Variants in FAM118B observed in about 807,000 individuals in gnomAD.
The protein encoded by FAM118B is protein FAM118B.
FAM118B carries 24 observed loss-of-function variants against 38.5 expected under a neutral mutation model. The observed-to-expected ratio is 0.62, with a 90% confidence interval of 0.45 to 0.88. The LOEUF is 0.88. Ranked by LOEUF, FAM118B falls within the 40% of genes least tolerant of loss-of-function variation. FAM118B has a pLI of 0.00. For missense variants in FAM118B, 334 were observed against 420.0 expected (o/e 0.80, Z 1.79); for synonymous variants, 138 against 156.3 (o/e 0.88, Z 0.87).
chr11:126,257,541 T>C (rs1447109472), intron 7 of FAM118B, among the ~76,000 whole-genome samples: 2 of 150,428 alleles, frequency 1.3e-5, no homozygotes, highest in South Asian at 2.1e-4. Flanking sequence ...TAGAGACATA[T>C]GAGTAAAGGA....
Position 126,219,349 on chromosome 11 carries a change from C to CTTTTTT in FAM118B, c.-77+7554_-77+7559dup, listed in dbSNP as rs549922825. Among the ~76,000 whole-genome samples the CTTTTTT allele has an allele frequency of 6.7e-4, 30 of 44,466 alleles. 7 individuals carry two copies. The highest frequency in any genetic ancestry group is 9.7e-4 in the Non-Finnish European group (25 of 25,872). The allele number at this position is 44,466 out of a possible 152,430, so 29.2% of individuals were successfully genotyped here. ...AGCTTATCCTTCAGCTCTTGTTTAT[C>CTTTTTT]TTTTTTTTTTTTTTTTTTTTTTTTT... On this transcript the variant is annotated intron_variant, in intron 1 of 8. Coordinates refer to ENST00000533050, the MANE Select transcript of FAM118B (RefSeq NM_024556.4).
intron 3 of FAM118B, among the ~76,000 whole-genome samples, chr11:126,240,588 G>T (rs1339464039): frequency 6.6e-6 from 1 of 152,138 alleles, no homozygotes; most frequent in East Asian, 1.9e-4. Flanking sequence ...CCTGAAATAG[G>T]TTTATGACTT....
intron 8 of FAM118B, 55 bp from the exon 9 acceptor site, chr11:126,262,065 T>C (rs1202333244): frequency 1.5e-5 from 24 of 1,594,486 alleles, no homozygotes; most frequent in Non-Finnish European, 1.9e-5. Flanking sequence ...CAGCTTCCAA[T>C]GTATAAACCT....
chr11:126,240,982 T>G lies in FAM118B; in HGVS notation c.277T>G (p.Cys93Gly), dbSNP rs1011035671. The G allele has an allele frequency of 3.1e-6, 5 of 1,614,068 alleles. No individual in the cohort carries two copies. The Admixed American group carries it at 8.3e-5, about 27-fold the overall frequency. Residue 93 changes from cysteine to glycine, a missense_variant, in exon 4 of 9, where the codon TGT becomes GGT. This residue lies in a region of FAM118B where 240 missense variants were observed against 295.9 expected (regional missense o/e 0.81). Transcript: ENST00000533050. ...EDEESKKFQK[C>G]LHEDKNLVHV... is the part of the protein sequence containing the mutation. ...TGAGGAGAGCAAAAAGTTTCAGAAA[T>G]GTCTCCATGAAGACAAGAACCTGGT...
At chr11:126,246,650 C>T (rs1950422879) in intron 4 of FAM118B, among the ~76,000 whole-genome samples, 1 of 152,052 alleles carries the variant, frequency 6.6e-6, no homozygotes. Context: ...CTGTGTTGCC[C>T]AGGCTGGTGT....
At chr11:126,222,403 A>G (rs1263780545) in intron 1 of FAM118B, among the ~76,000 whole-genome samples, 1 of 152,248 alleles carries the variant, frequency 6.6e-6, no homozygotes, top group African/African-American at 2.4e-5. Context: ...TTAAAATTCT[A>G]CAAGCATATA....
chr11:126,226,944 C>A (rs1453447722), intron 1 of FAM118B, among the ~76,000 whole-genome samples: 1 of 87,990 alleles, frequency 1.1e-5, no homozygotes, highest in Non-Finnish European at 2.3e-5. Flanking sequence ...ACAGTGAGAC[C>A]CCGTCCAAAA....
rs763456807 is a variant in FAM118B at position 126,254,287 on chromosome 11, T to C, written c.568-18T>C. The C allele has an allele frequency of 1.2e-6, 2 of 1,612,716 alleles. No homozygotes were observed. The highest frequency in any genetic ancestry group is 3.3e-5 in the Admixed American group (2 of 59,920). ...CTCAGCCCTGCCAAGCTGGTTGGGC[T>C]ATATGTGTGTTGTGCAGGTCCTCGA... On this transcript the variant is annotated intron_variant, in intron 5 of 8. Transcript: ENST00000533050.
In FAM118B at chr11:126,256,915, TTGTGA is replaced by T. The variant is rs371127445; in HGVS notation, c.982+71_982+75del. The T allele has an allele frequency of 5.6e-4, 837 of 1,504,104 alleles. 4 individuals carry two copies. In the African/African-American group the frequency reaches 0.011, roughly 19 times the overall value. The allele number at this position is 1,504,104 out of a possible 1,614,324, so 93.2% of individuals were successfully genotyped here. ...AACAGCTCTTCAGCCTTTTGTGTAT[TTGTGA>T]TGTGATGGGCAAAATAGTTGCCAAG... On this transcript the variant is annotated intron_variant, in intron 7 of 8. Coordinates refer to ENST00000533050, the MANE Select transcript of FAM118B (RefSeq NM_024556.4). The surrounding 1 kb of genome is among the most constrained non-coding windows in gnomAD (Gnocchi z 6.6).
chr11:126,243,116 G>T (rs1332876806), intron 4 of FAM118B, among the ~76,000 whole-genome samples: 1 of 152,164 alleles, frequency 6.6e-6, no homozygotes, highest in African/African-American at 2.4e-5. Flanking sequence ...GACATATATT[G>T]TATGATTCCA....
chr11:126,256,454 A>T lies in FAM118B; in HGVS notation c.697-113A>T. 4 of 891,834 alleles carry T rather than the reference A, an allele frequency of 4.5e-6. No homozygotes were observed. Among genetic ancestry groups the T allele is most frequent in the Non-Finnish European group, 6.8e-6 (4 of 586,672 alleles). The allele number at this position is 891,834 out of a possible 1,614,324, so 55.2% of individuals were successfully genotyped here. On this transcript the variant is annotated intron_variant, in intron 6 of 8. Coordinates refer to ENST00000533050, the MANE Select transcript of FAM118B (RefSeq NM_024556.4). The surrounding 1 kb of genome is among the most constrained non-coding windows in gnomAD (Gnocchi z 6.6). ...CTTGATGGGACATACCAACCCACTT[A>T]AGTCTTGCTTAATTGGTCATCACAG...
intron 1 of FAM118B, among the ~76,000 whole-genome samples, chr11:126,212,336 C>T (rs1591494159): frequency 3.9e-5 from 6 of 152,314 alleles, no homozygotes; most frequent in Admixed American, 2.6e-4. Context: ...CCCTACCTTC[C>T]CTACTCCTCC....
intron 1 of FAM118B, among the ~76,000 whole-genome samples, chr11:126,215,230 G>C (rs1168662933): frequency 6.6e-6 from 1 of 152,192 alleles, no homozygotes; most frequent in Admixed American, 6.5e-5. Context: ...CACTGATACT[G>C]AAATACTTCT....
chr11:126,219,928 A>T (rs1320103468), intron 1 of FAM118B, among the ~76,000 whole-genome samples: 1 of 151,802 alleles, frequency 6.6e-6, no homozygotes, highest in African/African-American at 2.4e-5. Flanking sequence ...ACATTGAAGG[A>T]AGAATTTTTT....
At chr11:126,231,671 ATAG>A (rs1300201802) in intron 2 of FAM118B, among the ~76,000 whole-genome samples, 1 of 152,226 alleles carries the variant, frequency 6.6e-6, no homozygotes, top group African/African-American at 2.4e-5. Context: ...TTTTAAAGTA[ATAG>A]TAGTTGGAAT....
At chr11:126,258,662 T>C (rs1950619903) in intron 7 of FAM118B, among the ~76,000 whole-genome samples, 1 of 152,238 alleles carries the variant, frequency 6.6e-6, no homozygotes, top group Non-Finnish European at 1.5e-5. Flanking sequence ...CTGCTGTTGT[T>C]TGCCCACACT....
In FAM118B at chr11:126,253,387, G is replaced by A. The variant is rs1035194321; in HGVS notation, c.568-918G>A. ...TCTCCAAAATGTGATAAGAATAAAT[G>A]TATGCTGTCTCCAGTCCTTGGGAAA... On this transcript the variant is annotated intron_variant, in intron 5 of 8. Transcript: ENST00000533050. This position sits in a 1 kb window ranked among gnomAD's most constrained non-coding sequence, Gnocchi z 5.1. Among the ~76,000 whole-genome samples, 8 of 152,154 alleles carry A rather than the reference G, an allele frequency of 5.3e-5. No homozygotes were observed. Among genetic ancestry groups the A allele is most frequent in the Non-Finnish European group, 1.2e-4 (8 of 68,038 alleles).
chr11:126,262,709 AC>A lies in FAM118B; in HGVS notation c.*577del, dbSNP rs1372670284. On this transcript the variant is annotated 3_prime_UTR_variant, in exon 9 of 9. Coordinates refer to ENST00000533050, the MANE Select transcript of FAM118B (RefSeq NM_024556.4). ...AAGAAACTCTAACTTGCATCAAGGT[AC>A]TAATAAGCTTAATTTTAATAACCCA... The A allele has an allele frequency of 6.6e-6, 1 of 152,586 alleles. No homozygotes were observed. Among genetic ancestry groups the A allele is most frequent in the African/African-American group, 2.4e-5 (1 of 41,456 alleles). 9.5% of individuals were successfully genotyped at this position (152,586 alleles called of 1,614,324 possible).
At chr11:126,238,820 C>T (rs916270843) in intron 3 of FAM118B, among the ~76,000 whole-genome samples, 1 of 152,012 alleles carries the variant, frequency 6.6e-6, no homozygotes, top group East Asian at 1.9e-4. Context: ...AATGTTGTTG[C>T]CCTTTGACCT....
Sources: gnomAD v4.1 joint callset for allele counts (sites outside exome capture counted in the v4.1 genomes callset) on GRCh38, gnomAD v4.1.1 for gene constraint, gnomAD v4.1.1 regional missense constraint, Gnocchi (gnomAD v3.1) non-coding constraint, MANE v1.5 for transcripts, NCBI Gene and HGNC (gene_info 2026-07-23, HGNC 2026-07-21) for gene names.